Variants in PPP2R2C observed in about 807,000 individuals in gnomAD.
The protein encoded by PPP2R2C is protein phosphatase 2 regulatory subunit Bgamma.
Under a neutral mutation model 45.3 loss-of-function variants are expected in PPP2R2C, and 10 were observed. The ratio of observed to expected loss-of-function variants is 0.22; its 90% confidence interval spans 0.14 to 0.37. PPP2R2C has a LOEUF of 0.37. Ranked by LOEUF, PPP2R2C falls within the 10% of genes least tolerant of loss-of-function variation. The pLI, the probability that PPP2R2C is intolerant of heterozygous loss-of-function variation, is 1.00. For missense variants in PPP2R2C, 308 were observed against 619.7 expected (o/e 0.50, Z 5.34); for synonymous variants, 257 against 245.4 (o/e 1.05, Z -0.44).
Position 6,433,035 on chromosome 4 carries a change from T to G in PPP2R2C, c.70+39125A>C, listed in dbSNP as rs139120139. On this transcript the variant is annotated intron_variant, in intron 1 of 8. Coordinates refer to ENST00000382599, the MANE Select transcript of PPP2R2C (RefSeq NM_020416.4). ...TTAATGATGTTTTCTTTCCTCTAGC[T>G]TACTTTATTAGAATACAGTATATAA... 4.4e-4 allele frequency among the ~76,000 whole-genome samples: 67 copies of G among 152,350 alleles called. 1 individual carries two copies. Among genetic ancestry groups the G allele is most frequent in the Admixed American group, 1.8e-3 (27 of 15,300 alleles).
At chr4:6,437,657 A>G (rs1237873335) in intron 1 of PPP2R2C, among the ~76,000 whole-genome samples, 1 of 152,246 alleles carries the variant, frequency 6.6e-6, no homozygotes, top group African/African-American at 2.4e-5. Flanking sequence ...GAATATGCTC[A>G]GGGACTCAGT....
rs535848729 is a variant in PPP2R2C, at chr4:6,529,762, C to G, written c.49+5509G>C. On this transcript the variant is annotated intron_variant, in intron 2 of 9. Transcript: ENST00000506140. ...CACTGCTGTGGCCCCAGCCACTGAC[C>G]CAGGGCTGGGTACACAGCAGATGCT... is the stretch of plus-strand genomic sequence containing the variant. Among the ~76,000 whole-genome samples, 475 of 152,292 alleles carry G rather than the reference C, an allele frequency of 3.1e-3. 2 individuals are homozygous for G. The highest frequency in any genetic ancestry group is 0.01 in the African/African-American group (436 of 41,562).
chr4:6,389,561 C>A (rs553558068), intron 1 of PPP2R2C, among the ~76,000 whole-genome samples: 2 of 152,296 alleles, frequency 1.3e-5, no homozygotes, highest in South Asian at 4.1e-4. Context: ...CTGGTATGGG[C>A]TTGGCGAGCG....
At chr4:6,513,525 G>A (rs1470548514) in intron 2 of PPP2R2C, among the ~76,000 whole-genome samples, 1 of 152,182 alleles carries the variant, frequency 6.6e-6, no homozygotes, top group Non-Finnish European at 1.5e-5. Context: ...GCGAGGGAGG[G>A]GCCATGCCAA....
intron 1 of PPP2R2C, among the ~76,000 whole-genome samples, chr4:6,460,558 G>T (rs1397361126): frequency 2.6e-5 from 4 of 152,118 alleles, no homozygotes; most frequent in Non-Finnish European, 5.9e-5. Context: ...ATCATTAAGA[G>T]AAAATTTTAA....
At chr4:6,458,700 T>C (rs1020778416) in intron 1 of PPP2R2C, among the ~76,000 whole-genome samples, 3 of 113,130 alleles carry the variant, frequency 2.7e-5, no homozygotes, top group African/African-American at 2.8e-5. Flanking sequence ...CTTTGGAAGA[T>C]AGCAGGTGCT....
chr4:6,535,723 A>G (rs948086434), intron 1 of PPP2R2C, among the ~76,000 whole-genome samples: 2 of 152,096 alleles, frequency 1.3e-5, no homozygotes, highest in Non-Finnish European at 2.9e-5. Flanking sequence ...GAAATCCCTC[A>G]CTAGGGACTC....
In PPP2R2C at chr4:6,321,482, C is replaced by G. The variant is rs1731548599; in HGVS notation, c.*1820G>C. ...GATATATAAACAAACATTCTTCATT[C>G]ACGTTGATTAAAAAAAAATCAATGA... On this transcript the variant is annotated 3_prime_UTR_variant, in exon 9 of 9. Coordinates refer to ENST00000382599, the MANE Select transcript of PPP2R2C (RefSeq NM_020416.4). The G allele has an allele frequency of 6.6e-6, 1 of 152,036 alleles. No homozygotes were observed. Among genetic ancestry groups the G allele is most frequent in the South Asian group, 2.1e-4 (1 of 4,790 alleles). The allele number at this position is 152,036 out of a possible 1,614,324, so 9.4% of individuals were successfully genotyped here.
In PPP2R2C at chr4:6,447,904, G is replaced by A. The variant is rs148178414; in HGVS notation, c.70+24256C>T. Among the ~76,000 whole-genome samples the A allele has an allele frequency of 3.6e-3, 541 of 152,270 alleles. 4 individuals are homozygous for A. The highest frequency in any genetic ancestry group is 0.012 in the African/African-American group (511 of 41,550). On this transcript the variant is annotated intron_variant, in intron 1 of 8. Coordinates refer to ENST00000382599, the MANE Select transcript of PPP2R2C (RefSeq NM_020416.4). ...CAGCTCCTTTCCCACAGTGAGAATC[G>A]TATGCATCTGCCTAATCACCCTAAA...
intron 2 of PPP2R2C, among the ~76,000 whole-genome samples, chr4:6,526,416 G>A (rs1271546486): frequency 1.3e-5 from 2 of 152,228 alleles, no homozygotes; most frequent in Non-Finnish European, 2.9e-5. Flanking sequence ...CAATTCTTCA[G>A]CTGACAAGTT....
chr4:6,396,194 G>A (rs1685774322), intron 1 of PPP2R2C, among the ~76,000 whole-genome samples: 1 of 152,158 alleles, frequency 6.6e-6, no homozygotes, highest in Non-Finnish European at 1.5e-5. Flanking sequence ...TCTGTGCCTG[G>A]TGGACTCCAG....
upstream of PPP2R2C, among the ~76,000 whole-genome samples, chr4:6,475,779 G>C (rs1722120476): frequency 6.6e-6 from 1 of 152,218 alleles, no homozygotes; most frequent in Non-Finnish European, 1.5e-5. Flanking sequence ...AATTGACAGA[G>C]AGAACATGCA....
intron 1 of PPP2R2C, among the ~76,000 whole-genome samples, chr4:6,548,109 TCCGGAGGCTGAGG>T (rs528099462): frequency 1.2e-4 from 18 of 152,086 alleles, no homozygotes; most frequent in Non-Finnish European, 2.5e-4. Flanking sequence ...TCCCAGCTAC[TCCGGAGGCTGAGG>T]CAGGAGAACT....
intron 1 of PPP2R2C, among the ~76,000 whole-genome samples, chr4:6,538,795 C>T (rs1231987552): frequency 3.3e-5 from 5 of 152,176 alleles, no homozygotes; most frequent in African/African-American, 7.2e-5. Flanking sequence ...CTGGCCGCTC[C>T]CCCGCACCGT....
intron 2 of PPP2R2C, among the ~76,000 whole-genome samples, chr4:6,500,433 C>A (rs575490514): frequency 1.3e-5 from 2 of 152,212 alleles, no homozygotes; most frequent in Non-Finnish European, 2.9e-5. Context: ...CAGGCGTGAG[C>A]CATTGCACCC....
At chr4:6,403,826 G>A (rs1299942933) in intron 1 of PPP2R2C, among the ~76,000 whole-genome samples, 1 of 150,254 alleles carries the variant, frequency 6.7e-6, no homozygotes. Flanking sequence ...TTGCGCCGCT[G>A]CACTCCAGCC....
chr4:6,403,192 C>G (rs995127852), intron 1 of PPP2R2C, among the ~76,000 whole-genome samples: 2 of 152,324 alleles, frequency 1.3e-5, no homozygotes, highest in African/African-American at 2.4e-5. Context: ...GGCTGTCGCT[C>G]TCATGCAAAA....
chr4:6,510,994 CAAACAA>C (rs1723423773), intron 2 of PPP2R2C, among the ~76,000 whole-genome samples: 1 of 33,228 alleles, frequency 3.0e-5, no homozygotes, highest in Admixed American at 3.2e-4. Context: ...AAAAAACAAA[CAAACAA>C]AAAAAAAAAC....
At chr4:6,524,674 T>A (rs1724138435) in intron 2 of PPP2R2C, among the ~76,000 whole-genome samples, 1 of 152,218 alleles carries the variant, frequency 6.6e-6, no homozygotes, top group South Asian at 2.1e-4. Context: ...GCTTCACCTA[T>A]TTGTTACAAG....
Sources: gnomAD v4.1 joint callset for allele counts (sites outside exome capture counted in the v4.1 genomes callset) on GRCh38, gnomAD v4.1.1 for gene constraint, MANE v1.5 for transcripts, NCBI Gene and HGNC (gene_info 2026-07-23, HGNC 2026-07-21) for gene names.